Variants in COL4A1 observed in about 807,000 individuals in gnomAD.
COL4A1 encodes the protein collagen type IV alpha 1 chain, also known as collagen alpha-1(IV) chain.
COL4A1 carries 40 observed loss-of-function variants against 216.6 expected under a neutral mutation model. The observed-to-expected ratio is 0.18, with a 90% confidence interval of 0.14 to 0.24. The LOEUF is 0.24. Ranked by LOEUF, COL4A1 falls within the 10% of genes least tolerant of loss-of-function variation. The pLI is 1.00. For missense variants in COL4A1, 1,628 were observed against 2,196.8 expected, an observed-to-expected ratio of 0.74 and a Z score of 5.18; for synonymous variants, 839 against 810.7, an observed-to-expected ratio of 1.03 and a Z score of -0.59.
At chr13:110,169,503 C>CACACACAT in intron 43 of COL4A1, 126 bp downstream of exon 43, 3 of 1,469,092 alleles carry the variant, frequency 2.0e-6, no homozygotes, top group Non-Finnish European at 2.7e-6. Flanking sequence ...GTGTAACACA[C>CACACACAT]ACACACACAC....
At chr13:110,279,714 A>G (rs1883555228) in intron 1 of COL4A1, among the ~76,000 whole-genome samples, 1 of 152,154 alleles carries the variant, frequency 6.6e-6, no homozygotes, top group Admixed American at 6.5e-5. Flanking sequence ...CCTCCCCAAG[A>G]CTTCATATTT....
At chr13:110,218,352 T>C (rs1018761213) in intron 2 of COL4A1, among the ~76,000 whole-genome samples, 5 of 152,104 alleles carry the variant, frequency 3.3e-5, no homozygotes, top group Admixed American at 2.0e-4. Context: ...CTCGGGGGCT[T>C]CCTCTACGCA....
rs769089749 is a variant in COL4A1, at chr13:110,162,411, G to A, written c.4281C>T (p.Pro1427=). 11 of 1,614,146 alleles carry A rather than the reference G, an allele frequency of 6.8e-6. No individual in the cohort carries two copies. Among genetic ancestry groups the A allele is most frequent in the Non-Finnish European group, 9.3e-6 (11 of 1,180,012 alleles). Residue 1427 remains proline, a synonymous_variant, in exon 48 of 52, where the codon CCC becomes CCT. Transcript: ENST00000375820. ...GCCCCATGGATCCTGGCAACCCATC[G>A]GGGCCTGGTGGACCTGGAAATCCTC... The part of the protein sequence containing the change: ...GPRGFPGPPG[P]DGLPGSMGPP...
Position 110,203,557 on chromosome 13 carries a change from C to T in COL4A1, c.999+9G>A. 1 of 1,613,812 alleles carries T rather than the reference C, an allele frequency of 6.2e-7. No homozygotes were observed. Among genetic ancestry groups the T allele is most frequent in the Middle Eastern group, 1.6e-4 (1 of 6,062 alleles). ...CTCTCACAGACCCAGGGACAGCACT[C>T]TTACTCACAATTCCAGGTGGGCCAG... On this transcript the variant is annotated intron_variant, in intron 18 of 51. Transcript: ENST00000375820.
intron 50 of COL4A1, among the ~76,000 whole-genome samples, chr13:110,153,079 C>T (rs1430444379): frequency 6.6e-6 from 1 of 152,168 alleles, no homozygotes; most frequent in African/African-American, 2.4e-5. Flanking sequence ...CCTTCCTGTA[C>T]TCAGAAATCA....
In COL4A1 at chr13:110,211,530, T is replaced by C. The variant is rs2139204222; in HGVS notation, c.468+117A>G. On this transcript the variant is annotated intron_variant, in intron 8 of 51. Transcript: ENST00000375820. The surrounding 1 kb of genome is among the most constrained non-coding windows in gnomAD (Gnocchi z 4.3). ...TTTCATGTAACAGAGTTTAGGGAAG[T>C]GTGTTCAGAAACAATCGATCAGCCA... 2 of 920,558 alleles carry C rather than the reference T, an allele frequency of 2.2e-6. No homozygotes were observed. Among genetic ancestry groups the C allele is most frequent in the Non-Finnish European group, 3.3e-6 (2 of 597,764 alleles). 57.0% of individuals were successfully genotyped at this position (920,558 alleles called of 1,614,324 possible).
At chr13:110,243,872 C>T (rs1881673891) in intron 1 of COL4A1, among the ~76,000 whole-genome samples, 1 of 152,100 alleles carries the variant, frequency 6.6e-6, no homozygotes, top group South Asian at 2.1e-4. Context: ...AAATTAGAAC[C>T]CAACTTCAAT....
chr13:110,209,955 C>T (rs749251041), intron 10 of COL4A1, 25 bp downstream of exon 10: 19 of 1,613,328 alleles, frequency 1.2e-5, no homozygotes, highest in Admixed American at 8.3e-5. Flanking sequence ...ATGATTGCCT[C>T]GGAGAGACAG....
rs374713475 is a variant in COL4A1, at chr13:110,175,376, G to A, written c.3059-19C>T. ...GGTGTTCCTATAAACACAAACAATT[G>A]AAACTTGATTTGGGCTTAGCTAGTG... On this transcript the variant is annotated intron_variant, in intron 36 of 51. Coordinates refer to ENST00000375820, the MANE Select transcript of COL4A1 (RefSeq NM_001845.6). The A allele has an allele frequency of 2.7e-5, 44 of 1,613,894 alleles. No homozygotes were observed. The highest frequency in any genetic ancestry group is 3.6e-5 in the Non-Finnish European group (42 of 1,179,978).
At chr13:110,280,322 T>C (rs1426680984) in intron 1 of COL4A1, among the ~76,000 whole-genome samples, 4 of 152,246 alleles carry the variant, frequency 2.6e-5, no homozygotes, top group Non-Finnish European at 5.9e-5. Context: ...TGGTGCCTAT[T>C]ACCCAGCAAT....
chr13:110,165,453 T>G (rs1257870840), intron 45 of COL4A1, among the ~76,000 whole-genome samples: 1 of 152,112 alleles, frequency 6.6e-6, no homozygotes, highest in African/African-American at 2.4e-5. Flanking sequence ...TAATCCTTCT[T>G]CTGCATGGCA....
intron 29 of COL4A1, among the ~76,000 whole-genome samples, chr13:110,179,760 G>A (rs1352984672): frequency 6.6e-6 from 1 of 152,208 alleles, no homozygotes; most frequent in African/African-American, 2.4e-5. Context: ...CACTGGCCCT[G>A]AGTAACCGGT....
intron 2 of COL4A1, 105 bp downstream of exon 2, chr13:110,242,570 G>T: frequency 7.8e-7 from 1 of 1,286,360 alleles, no homozygotes; most frequent in Non-Finnish European, 1.1e-6. Context: ...TATCAAAACA[G>T]TAATAAGGCT....
rs1257228837 is a variant in COL4A1, at chr13:110,198,616, C to T, written c.1136G>A (p.Gly379Glu). Residue 379 changes from glycine (G) to glutamate (E), a missense_variant, in exon 21 of 52, where the codon GGG (glycine) becomes GAG (glutamate). Coordinates refer to ENST00000375820, the MANE Select transcript of COL4A1 (RefSeq NM_001845.6). Reference sequence around the variant, plus strand: ...AGGGAAGCCAGGGGCACCAGCCTGCCCAGGTACAGGGAGGCCTGCAACCAG... The same window carrying T: ...AGGGAAGCCAGGGGCACCAGCCTGCTCAGGTACAGGGAGGCCTGCAACCAG... ...QPGPPGLPVP[G>E]QAGAPGFPGE... is the part of the protein sequence containing the mutation. 6.2e-7 allele frequency: 1 copy of T among 1,614,082 alleles called. No homozygotes were observed. Among genetic ancestry groups the T allele is most frequent in the East Asian group, 2.2e-5 (1 of 44,886 alleles).
At chr13:110,215,673 A>G (rs1478450454) in intron 2 of COL4A1, among the ~76,000 whole-genome samples, 2 of 152,222 alleles carry the variant, frequency 1.3e-5, no homozygotes, top group Non-Finnish European at 2.9e-5. Context: ...GGGTAGATTC[A>G]GTAACCATTG....
chr13:110,181,741 T>A (rs1431861917), intron 28 of COL4A1, among the ~76,000 whole-genome samples: 1 of 152,014 alleles, frequency 6.6e-6, no homozygotes, highest in Non-Finnish European at 1.5e-5. Context: ...CAAGGTGTGG[T>A]TGGGGGGGCA....
At chr13:110,208,745 G>T in intron 12 of COL4A1, 104 bp downstream of exon 12, 4 of 1,045,646 alleles carry the variant, frequency 3.8e-6, no homozygotes, top group Non-Finnish European at 6.0e-6. Flanking sequence ...GCAGAGAAGA[G>T]TAACTATACT....
chr13:110,279,997 T>C (rs1883567109), intron 1 of COL4A1, among the ~76,000 whole-genome samples: 1 of 152,238 alleles, frequency 6.6e-6, no homozygotes, highest in Non-Finnish European at 1.5e-5. Context: ...CTGAATTCAC[T>C]TTGATTCTCC....
rs184375289 is a variant in COL4A1 at position 110,231,150 on chromosome 13, G to A, written c.144+11525C>T. Among the ~76,000 whole-genome samples, 267 of 152,338 alleles carry A rather than the reference G, an allele frequency of 1.8e-3. 2 individuals are homozygous for A. Among genetic ancestry groups the A allele is most frequent in the African/African-American group, 6.0e-3 (249 of 41,580 alleles). ...AGTCAGTGTGGGAACAAGATCCACC[G>A]AGGTGCCTCTTGCCCTTGCCCAGGA... is the stretch of plus-strand genomic sequence containing the variant. On this transcript the variant is annotated intron_variant, in intron 2 of 51. Coordinates refer to ENST00000375820, the MANE Select transcript of COL4A1 (RefSeq NM_001845.6).
Sources: allele counts gnomAD v4.1 joint callset (sites outside exome capture counted in the v4.1 genomes callset), GRCh38; gene constraint gnomAD v4.1.1; non-coding constraint Gnocchi (gnomAD v3.1); transcripts MANE v1.5; gene names NCBI Gene and HGNC (gene_info 2026-07-23, HGNC 2026-07-21).